The following METTL8 variants were observed in gnomAD, a reference collection of about 807,000 sequenced individuals.
METTL8 encodes the protein tRNA N(3)-cytidine methyltransferase METTL8, mitochondrial.
METTL8 carries 32 observed loss-of-function variants against 48.7 expected under a neutral mutation model. That is an observed-to-expected ratio of 0.66 (90% CI 0.50 to 0.88). METTL8 has a LOEUF of 0.88. METTL8 is among the 40% of genes least tolerant of loss of function. METTL8 has a pLI of 0.00. For synonymous variants in METTL8, 136 were observed against 157.1 expected (o/e 0.87, Z 1.01); for missense variants, 464 against 474.4 (o/e 0.98, Z 0.20).
chr2:171,413,261 A>G (rs1374205274), intron 1 of METTL8, among the ~76,000 whole-genome samples: 1 of 152,244 alleles, frequency 6.6e-6, no homozygotes, highest in Non-Finnish European at 1.5e-5. Context: ...ACCCATATTC[A>G]TCTGAAGAGA....
intron 2 of METTL8, among the ~76,000 whole-genome samples, chr2:171,365,117 G>A (rs1022485098): frequency 2.0e-5 from 3 of 152,172 alleles, no homozygotes; most frequent in African/African-American, 7.2e-5. Context: ...CGGCATCTGA[G>A]GAGAAAAGTC....
intron 3 of METTL8, among the ~76,000 whole-genome samples, chr2:171,339,974 G>A (rs1559069741): frequency 6.6e-6 from 1 of 152,064 alleles, no homozygotes; most frequent in Non-Finnish European, 1.5e-5. Context: ...TGAAGCGGGT[G>A]GATCACGAGG....
chr2:171,354,434 G>A (rs1258861854), intron 3 of METTL8, among the ~76,000 whole-genome samples: 2 of 152,122 alleles, frequency 1.3e-5, no homozygotes, highest in South Asian at 2.1e-4. Context: ...ACAATTATGT[G>A]TCTTGGAGTT....
At chr2:171,385,958 T>A (rs1182166656) in intron 2 of METTL8, among the ~76,000 whole-genome samples, 1 of 152,150 alleles carries the variant, frequency 6.6e-6, no homozygotes, top group East Asian at 1.9e-4. Context: ...ACAGAATAAC[T>A]AAAAGAGCCT....
chr2:171,366,522 A>C (rs1685733343), intron 2 of METTL8, among the ~76,000 whole-genome samples: 1 of 152,238 alleles, frequency 6.6e-6, no homozygotes, highest in African/African-American at 2.4e-5. Flanking sequence ...TCAAGAGAAA[A>C]GTCAGTCAAT....
chr2:171,434,540 C>T (rs1478896262), upstream of METTL8: 2 of 1,523,474 alleles, frequency 1.3e-6, no homozygotes, highest in Non-Finnish European at 1.8e-6. Flanking sequence ...GCGCGCCACT[C>T]GGCGGCCCAG....
chr2:171,419,379 C>A lies in METTL8; in HGVS notation c.-13+14504G>T, dbSNP rs145558083. On this transcript the variant is annotated intron_variant, in intron 1 of 9. Transcript: ENST00000375258. ...ATTAAACTAGAGTTCATACTACTAG[C>A]TCCAACTCTAATCTATTACCACACA... 1.5e-4 allele frequency among the ~76,000 whole-genome samples: 23 copies of A among 152,306 alleles called. No individual in the cohort carries two copies. In the East Asian group the frequency reaches 4.4e-3, roughly 29 times the overall value.
At position 171,331,854 on chromosome 2, in the gene METTL8, A is replaced by G. The variant is rs535397478; in HGVS notation, c.670T>C (p.Ser224Pro). ...ILNTLENSPE[S>P]FLYCCDFASG... ...GCAAAATCACAACAATACAGAAAGG[A>G]CTCCGGAGAGTTCCTATGAAGATGG... Residue 224 changes from serine (S) to proline (P), a missense_variant, in exon 6 of 10, where the codon TCC becomes CCC. Transcript: ENST00000375258. The G allele has an allele frequency of 3.0e-5, 48 of 1,599,688 alleles. No homozygotes were observed. In the Middle Eastern group the frequency reaches 5.0e-4, roughly 17 times the overall value.
chr2:171,318,977 T>C lies in METTL8; in HGVS notation c.*5195A>G, dbSNP rs1050047318. On this transcript the variant is annotated 3_prime_UTR_variant, in exon 10 of 10. Coordinates refer to ENST00000375258, the MANE Select transcript of METTL8 (RefSeq NM_001321154.2). ...ATCATCAAAATGAATTCCTAGGAGTTTGAGGATTAAATAATGTGTATAGTA... is the reference window on the plus strand; with the variant it reads ...ATCATCAAAATGAATTCCTAGGAGTCTGAGGATTAAATAATGTGTATAGTA... The C allele has an allele frequency of 2.1e-4, 32 of 152,034 alleles. No homozygotes were observed. Among genetic ancestry groups the C allele is most frequent in the Admixed American group, 2.1e-3 (32 of 15,254 alleles). The allele number at this position is 152,034 out of a possible 1,614,324, so 9.4% of individuals were successfully genotyped here. A position where few individuals can be genotyped will look rare whatever the true frequency, so the allele number is the denominator to read the frequency against.
At chr2:171,434,313 G>C (rs1256416113), upstream of METTL8, 9 of 635,888 alleles carry the variant, frequency 1.4e-5, no homozygotes, top group Non-Finnish European at 2.6e-5. Flanking sequence ...CCGGAGCGTC[G>C]CACTGTCAGC....
chr2:171,401,653 C>A (rs1377139526), intron 1 of METTL8, among the ~76,000 whole-genome samples: 3 of 152,142 alleles, frequency 2.0e-5, no homozygotes, highest in African/African-American at 7.2e-5. Flanking sequence ...CCATCTCAAT[C>A]CAAAATATCT....
chr2:171,376,628 G>C (rs1686994865), intron 2 of METTL8, among the ~76,000 whole-genome samples: 1 of 152,022 alleles, frequency 6.6e-6, no homozygotes, highest in Admixed American at 6.6e-5. Flanking sequence ...AAAATACTTA[G>C]GAATACACTT....
At chr2:171,434,562 C>T (rs1048720788), upstream of METTL8, 6 of 1,525,330 alleles carry the variant, frequency 3.9e-6, no homozygotes, top group African/African-American at 6.9e-5. Context: ...CTACCCAGGG[C>T]CCGGCCCGCG....
intron 1 of METTL8, among the ~76,000 whole-genome samples, chr2:171,428,796 G>T (rs1240166650): frequency 6.6e-6 from 1 of 152,146 alleles, no homozygotes; most frequent in African/African-American, 2.4e-5. Context: ...GATGAGTCTT[G>T]AGATCAACTG....
At chr2:171,427,606 T>A (rs898954826) in intron 1 of METTL8, among the ~76,000 whole-genome samples, 2 of 152,192 alleles carry the variant, frequency 1.3e-5, no homozygotes, top group African/African-American at 4.8e-5. Context: ...TACTCTGGAC[T>A]GTTGCAGATC....
At position 171,316,900 on chromosome 2, in the gene METTL8, C is replaced by T. The variant is rs1363494346; in HGVS notation, c.*7272G>A. ...GCTTAGGGGGATATGTCTCTGCTCA[C>T]CTGAGGGAGCAGGGCACAACTAAAG... On this transcript the variant is annotated 3_prime_UTR_variant, in exon 10 of 10. Coordinates refer to ENST00000375258, the MANE Select transcript of METTL8 (RefSeq NM_001321154.2). 6.6e-6 allele frequency among the ~76,000 whole-genome samples: 1 copy of T among 152,094 alleles called. No homozygotes were observed. The highest frequency in any genetic ancestry group is 1.5e-5 in the Non-Finnish European group (1 of 68,036).
In METTL8 at chr2:171,317,676, T is replaced by C. The variant is rs1008049848; in HGVS notation, c.*6496A>G. On this transcript the variant is annotated 3_prime_UTR_variant, in exon 10 of 10. Coordinates refer to ENST00000375258, the MANE Select transcript of METTL8 (RefSeq NM_001321154.2). ...TTCCTTACTTAAGGTTAAGTGGTTG[T>C]GAAACCACAGACACTGTAGAATCAG... 1.3e-5 allele frequency: 2 copies of C among 152,248 alleles called. No individual in the cohort carries two copies. The highest frequency in any genetic ancestry group is 2.9e-5 in the Non-Finnish European group (2 of 68,050). 9.4% of individuals were successfully genotyped at this position (152,248 alleles called of 1,614,324 possible). A position where few individuals can be genotyped will look rare whatever the true frequency, so the allele number is the denominator to read the frequency against.
intron 1 of METTL8, among the ~76,000 whole-genome samples, chr2:171,425,821 G>A (rs1282727461): frequency 3.3e-5 from 5 of 152,190 alleles, no homozygotes; most frequent in Non-Finnish European, 1.5e-5. Flanking sequence ...TGTGCCAGGA[G>A]ACAGGGATAA....
chr2:171,329,357 G>A (rs757078225), intron 7 of METTL8, among the ~76,000 whole-genome samples: 1 of 152,210 alleles, frequency 6.6e-6, no homozygotes, highest in African/African-American at 2.4e-5. Flanking sequence ...ATTTCAAATA[G>A]TCTTTTTGTG....
Sources: allele counts gnomAD v4.1 joint callset (sites outside exome capture counted in the v4.1 genomes callset), GRCh38; gene constraint gnomAD v4.1.1; transcripts MANE v1.5; gene names NCBI Gene and HGNC (gene_info 2026-07-23, HGNC 2026-07-21).